DNER: variants seen among roughly 807,000 people sequenced by gnomAD.
DNER encodes delta/notch like EGF repeat containing, also known as delta and Notch-like epidermal growth factor-related receptor.
DNER carries 33 observed loss-of-function variants against 78.2 expected under a neutral mutation model. The ratio of observed to expected loss-of-function variants is 0.42; its 90% CI spans 0.32 to 0.56. The LOEUF is 0.56. DNER is among the 20% of genes least tolerant of loss of function. DNER has a pLI of 0.11. For missense variants in DNER, 918 were observed against 975.3 expected (o/e 0.94, Z 0.78); for synonymous variants, 417 against 384.8 (o/e 1.08, Z -0.98).
At chr2:229,452,926 C>T (rs1159845676) in intron 7 of DNER, among the ~76,000 whole-genome samples, 1 of 152,218 alleles carries the variant, frequency 6.6e-6, no homozygotes, top group African/African-American at 2.4e-5. Flanking sequence ...CCACACCCAG[C>T]CAAGGCTTGT....
intron 1 of DNER, among the ~76,000 whole-genome samples, chr2:229,653,180 G>C (rs1574944369): frequency 1.3e-5 from 2 of 152,184 alleles, no homozygotes; most frequent in Admixed American, 6.5e-5. Context: ...AGAAGCTCCT[G>C]GGTTACAGAT....
At chr2:229,604,319 A>G (rs1697892209) in intron 1 of DNER, among the ~76,000 whole-genome samples, 1 of 152,230 alleles carries the variant, frequency 6.6e-6, no homozygotes, top group South Asian at 2.1e-4. Context: ...AGGGAGTTGG[A>G]AAACCAGGCA....
At chr2:229,464,504 G>T (rs1235475079) in intron 7 of DNER, among the ~76,000 whole-genome samples, 2 of 152,050 alleles carry the variant, frequency 1.3e-5, no homozygotes, top group African/African-American at 4.8e-5. Context: ...CTTATTTAAA[G>T]GATATAGTTA....
At chr2:229,679,403 T>C (rs1394768616) in intron 1 of DNER, among the ~76,000 whole-genome samples, 3 of 152,230 alleles carry the variant, frequency 2.0e-5, no homozygotes, top group African/African-American at 4.8e-5. Context: ...GAAAATGTTA[T>C]TGCAAATGAA....
rs528943415 is a variant in DNER at position 229,541,190 on chromosome 2, G to C, written c.993+5757C>G. 8.5e-5 allele frequency among the ~76,000 whole-genome samples: 13 copies of C among 152,178 alleles called. No individual in the cohort carries two copies. In the South Asian group the frequency reaches 1.0e-3, roughly 12 times the overall value. ...TTGTCCACAATCTGCTCTGGCATCA[G>C]AATCACCCTGCTGCCCAATAAAAGG... On this transcript the variant is annotated intron_variant, in intron 5 of 12. Coordinates refer to ENST00000341772, the MANE Select transcript of DNER (RefSeq NM_139072.4).
At chr2:229,516,666 T>A (rs950240156) in intron 5 of DNER, among the ~76,000 whole-genome samples, 1 of 151,678 alleles carries the variant, frequency 6.6e-6, no homozygotes, top group Non-Finnish European at 1.5e-5. Context: ...GAAGACGTAG[T>A]GCCAGCTATT....
At chr2:229,552,868 A>C (rs988843325) in intron 4 of DNER, among the ~76,000 whole-genome samples, 1 of 152,070 alleles carries the variant, frequency 6.6e-6, no homozygotes, top group African/African-American at 2.4e-5. Flanking sequence ...ATGGGAGGAG[A>C]GGAGCCAGAC....
At position 229,668,446 on chromosome 2, in the gene DNER, T is replaced by TTA. The variant is rs531818328; in HGVS notation, c.276+45700_276+45701dup. On this transcript the variant is annotated intron_variant, in intron 1 of 12. Transcript: ENST00000341772. ...TATATATATATATATATATATACAC[T>TTA]TATATATATATATAAAAGAAGACAT... 5.3e-4 allele frequency among the ~76,000 whole-genome samples: 65 copies of TTA among 122,894 alleles called. No homozygotes were observed. The East Asian group carries it at 5.8e-3, about 11-fold the overall frequency. 80.6% of individuals were successfully genotyped at this position (122,894 alleles called of 152,430 possible).
In DNER at chr2:229,585,844, T is replaced by C. The variant is rs568283579; in HGVS notation, c.847+14A>G. ...ATCAGATGCAGTGTTGAGTAGAAGA[T>C]TTTGGTAACTCACCAATAAAGTGAT... is the stretch of plus-strand genomic sequence containing the variant. On this transcript the variant is annotated intron_variant, in intron 4 of 12. Coordinates refer to ENST00000341772, the MANE Select transcript of DNER (RefSeq NM_139072.4). 2.2e-5 allele frequency: 36 copies of C among 1,613,542 alleles called. No homozygotes were observed. In the East Asian group the frequency reaches 6.5e-4, roughly 29 times the overall value.
chr2:229,585,801 A>C lies in DNER; in HGVS notation c.847+57T>G, dbSNP rs556064642. 4.1e-5 allele frequency: 65 copies of C among 1,604,546 alleles called. No homozygotes were observed. The African/African-American group carries it at 8.4e-4, about 21-fold the overall frequency. Reference sequence around the variant, plus strand: ...ATTCCCTACCTACTGTCTCAACACCAAACCAAAGTTGGGTTGAATCAGATG... The same window carrying C: ...ATTCCCTACCTACTGTCTCAACACCCAACCAAAGTTGGGTTGAATCAGATG... On this transcript the variant is annotated intron_variant, in intron 4 of 12. Transcript: ENST00000341772.
At chr2:229,617,016 G>A (rs567121483) in intron 1 of DNER, among the ~76,000 whole-genome samples, 89 of 152,282 alleles carry the variant, frequency 5.8e-4, no homozygotes, top group Admixed American at 1.2e-3. Context: ...AAGAAGAACC[G>A]AAAGATGAAA....
rs146639577 is a variant in DNER, at chr2:229,573,145, T to C, written c.847+12713A>G. 4.6e-5 allele frequency among the ~76,000 whole-genome samples: 7 copies of C among 152,332 alleles called. No homozygotes were observed. In the East Asian group the frequency reaches 1.3e-3, roughly 29 times the overall value. ...CGATGCAGCCAAACAGCATTTGTCA[T>C]GTATTTATTTAAGGAGATTATCCAT... On this transcript the variant is annotated intron_variant, in intron 4 of 12. Coordinates refer to ENST00000341772, the MANE Select transcript of DNER (RefSeq NM_139072.4).
rs182116099 is a variant in DNER at position 229,633,929 on chromosome 2, C to T, written c.277-42041G>A. On this transcript the variant is annotated intron_variant, in intron 1 of 12. Coordinates refer to ENST00000341772, the MANE Select transcript of DNER (RefSeq NM_139072.4). ...CTATTTTATTCATGCACCTTACAGA[C>T]AGCCTGAAGCCAAGCACATAGGCAA... is the stretch of plus-strand genomic sequence containing the variant. Among the ~76,000 whole-genome samples the T allele has an allele frequency of 5.1e-4, 77 of 152,362 alleles. No individual in the cohort carries two copies. The South Asian group carries it at 6.4e-3, about 13-fold the overall frequency.
chr2:229,546,416 A>G (rs1055091244), intron 5 of DNER, among the ~76,000 whole-genome samples: 4 of 152,210 alleles, frequency 2.6e-5, no homozygotes, highest in African/African-American at 7.2e-5. Flanking sequence ...GAATTAGAAA[A>G]TAGAGAGAAT....
chr2:229,684,828 C>A (rs1264065605), intron 1 of DNER, among the ~76,000 whole-genome samples: 1 of 152,084 alleles, frequency 6.6e-6, no homozygotes, highest in Non-Finnish European at 1.5e-5. Flanking sequence ...CAGTTTACAG[C>A]AAAAATTAGA....
At chr2:229,679,421 G>A (rs1014560475) in intron 1 of DNER, among the ~76,000 whole-genome samples, 1 of 152,176 alleles carries the variant, frequency 6.6e-6, no homozygotes, top group Non-Finnish European at 1.5e-5. Context: ...GAACTGTAAT[G>A]TGAACTTTCA....
chr2:229,456,528 C>G (rs1405949410), intron 7 of DNER, among the ~76,000 whole-genome samples: 2 of 151,930 alleles, frequency 1.3e-5, no homozygotes, highest in Non-Finnish European at 2.9e-5. Flanking sequence ...TAACATCCAT[C>G]TCTCCACTTC....
At chr2:229,496,677 AT>A (rs1371219494) in intron 6 of DNER, among the ~76,000 whole-genome samples, 2 of 152,202 alleles carry the variant, frequency 1.3e-5, no homozygotes, top group Non-Finnish European at 2.9e-5. Flanking sequence ...ATAAAATAGA[AT>A]TTGAGTCAAA....
intron 4 of DNER, among the ~76,000 whole-genome samples, chr2:229,573,066 C>A (rs376955342): frequency 6.6e-6 from 1 of 152,144 alleles, no homozygotes; most frequent in Admixed American, 6.5e-5. Flanking sequence ...GAGCAGATGA[C>A]GTGATCCCTG....
Sources: allele counts gnomAD v4.1 joint callset (sites outside exome capture counted in the v4.1 genomes callset), GRCh38; gene constraint gnomAD v4.1.1; transcripts MANE v1.5; gene names NCBI Gene and HGNC (gene_info 2026-07-23, HGNC 2026-07-21).